AFG2A: variants seen among roughly 807,000 people sequenced by gnomAD.
The protein encoded by AFG2A is ATPase family gene 2 protein homolog A.
chr4:123,304,326 A>T, the AFG2A span, among the ~76,000 whole-genome samples: 1 of 152,156 alleles, frequency 6.6e-6, no homozygotes, highest in Non-Finnish European at 1.5e-5. Flanking sequence ...CCACATGAGC[A>T]CATAATCTCC....
At chr4:123,066,953 T>C in the AFG2A span, among the ~76,000 whole-genome samples, 1 of 152,196 alleles carries the variant, frequency 6.6e-6, no homozygotes, top group Non-Finnish European at 1.5e-5. Flanking sequence ...AACTAAGTAC[T>C]ATAGCATAAT....
At chr4:123,020,554 A>G in the AFG2A span, among the ~76,000 whole-genome samples, 7 of 151,988 alleles carry the variant, frequency 4.6e-5, no homozygotes, top group South Asian at 1.5e-3. Flanking sequence ...TTTTTAGTAG[A>G]GGCGGGGTTT....
the AFG2A span, among the ~76,000 whole-genome samples, chr4:123,034,938 G>A: frequency 6.6e-6 from 1 of 152,236 alleles, no homozygotes; most frequent in Non-Finnish European, 1.5e-5. Flanking sequence ...GAAGAGTCAT[G>A]AAGAAGATTG....
chr4:122,961,284 A>G, the AFG2A span, among the ~76,000 whole-genome samples: 1 of 152,112 alleles, frequency 6.6e-6, no homozygotes, highest in African/African-American at 2.4e-5. Flanking sequence ...TATTTTACGT[A>G]TATTTATGCA....
At chr4:123,126,987 G>C in the AFG2A span, among the ~76,000 whole-genome samples, 1 of 152,126 alleles carries the variant, frequency 6.6e-6, no homozygotes, top group Non-Finnish European at 1.5e-5. Context: ...TTGGGAGCCT[G>C]GGGCAGGAGG....
chr4:123,113,625 T>C, the AFG2A span, among the ~76,000 whole-genome samples: 13 of 152,362 alleles, frequency 8.5e-5, no homozygotes, highest in East Asian at 2.5e-3. Flanking sequence ...ACTTGGATTT[T>C]ATTTTCAGTT....
At chr4:123,210,343 C>A in the AFG2A span, among the ~76,000 whole-genome samples, 1 of 152,118 alleles carries the variant, frequency 6.6e-6, no homozygotes, top group African/African-American at 2.4e-5. Context: ...AAATTTTGTG[C>A]CCTTTGGCCA....
the AFG2A span, among the ~76,000 whole-genome samples, chr4:123,257,359 A>C: frequency 2.6e-5 from 4 of 152,230 alleles, no homozygotes; most frequent in Admixed American, 6.5e-5. Context: ...CTACATCTGG[A>C]TAAATCCATC....
chr4:123,071,595 A>G, the AFG2A span, among the ~76,000 whole-genome samples: 2 of 152,174 alleles, frequency 1.3e-5, no homozygotes, highest in African/African-American at 2.4e-5. Context: ...CTGGGAAATC[A>G]TGGCAAGATG....
At chr4:123,276,229 A>G in the AFG2A span, among the ~76,000 whole-genome samples, 1 of 151,954 alleles carries the variant, frequency 6.6e-6, no homozygotes, top group Admixed American at 6.6e-5. Context: ...GCATTTCTCT[A>G]GTGATTAGTG....
chr4:123,060,327 A>T, the AFG2A span, among the ~76,000 whole-genome samples: 1 of 152,154 alleles, frequency 6.6e-6, no homozygotes, highest in Non-Finnish European at 1.5e-5. Flanking sequence ...CTCCAACCCC[A>T]CATTTCCCTT....
the AFG2A span, among the ~76,000 whole-genome samples, chr4:123,054,933 G>C: frequency 9.1e-3 from 1,383 of 151,724 alleles, 9 homozygotes; most frequent in Non-Finnish European, 0.014. Flanking sequence ...TCGACTTCTG[G>C]ACTCTTAATA....
the AFG2A span, among the ~76,000 whole-genome samples, chr4:123,091,063 C>T: frequency 6.6e-6 from 1 of 152,200 alleles, no homozygotes; most frequent in Non-Finnish European, 1.5e-5. Context: ...CTCTGGAAAG[C>T]ACCCTGTTCC....
chr4:123,270,826 T>C, the AFG2A span, among the ~76,000 whole-genome samples: 1 of 152,226 alleles, frequency 6.6e-6, no homozygotes. Context: ...GAAATGTTAT[T>C]ATCTTCTTAG....
chr4:123,074,230 G>T, the AFG2A span, among the ~76,000 whole-genome samples: 11 of 150,900 alleles, frequency 7.3e-5, no homozygotes, highest in Admixed American at 7.3e-4. Flanking sequence ...GAATAGCTGG[G>T]ATTACAGGCG....
chr4:122,973,148 C>T, the AFG2A span, among the ~76,000 whole-genome samples: 3 of 151,932 alleles, frequency 2.0e-5, no homozygotes, highest in South Asian at 2.1e-4. Flanking sequence ...TTTATTACCC[C>T]GAGTGTCTGG....
At chr4:123,074,982 C>T in the AFG2A span, among the ~76,000 whole-genome samples, 48 of 152,066 alleles carry the variant, frequency 3.2e-4, no homozygotes, top group Admixed American at 9.8e-4. Flanking sequence ...CTTGCTTTGT[C>T]GCCCAGGCTG....
chr4:122,948,632 A>G, the AFG2A span, among the ~76,000 whole-genome samples: 1 of 152,188 alleles, frequency 6.6e-6, no homozygotes, highest in Non-Finnish European at 1.5e-5. Flanking sequence ...ACCCAGAGCC[A>G]ATAAATGAAA....
At chr4:123,248,996 A>G in the AFG2A span, among the ~76,000 whole-genome samples, 23 of 152,222 alleles carry the variant, frequency 1.5e-4, no homozygotes, top group Non-Finnish European at 3.1e-4. Flanking sequence ...CATTATATCA[A>G]TATAGATATA....
Sources: gnomAD v4.1 joint callset for allele counts (sites outside exome capture counted in the v4.1 genomes callset) on GRCh38, gnomAD v4.1.1 for gene constraint, MANE v1.5 for transcripts, NCBI Gene and HGNC (gene_info 2026-07-23, HGNC 2026-07-21) for gene names.